SCARB1: variants seen among roughly 807,000 people sequenced by gnomAD.
SCARB1 encodes scavenger receptor class B member 1, also known as CD36 and LIMPII analogous 1.
A neutral mutation model predicts 57.2 loss-of-function variants in SCARB1; 30 were observed. The observed-to-expected ratio is 0.52, with a 90% CI of 0.39 to 0.71. The LOEUF is 0.71. Among genes scored for constraint, SCARB1 ranks in the 30% least tolerant of loss-of-function variants. SCARB1 has a pLI of 0.00. For missense variants in SCARB1, 543 were observed against 671.2 expected (o/e 0.81, Z 2.11); for synonymous variants, 249 against 268.3 (o/e 0.93, Z 0.70).
chr12:124,790,687 C>CG (rs2135557638), intron 9 of SCARB1, among the ~76,000 whole-genome samples: 1 of 152,370 alleles, frequency 6.6e-6, no homozygotes, highest in East Asian at 1.9e-4. Context: ...GGCTGGCTCA[C>CG]CACTTGCCCC....
chr12:124,816,727 C>T (rs1294436461), intron 2 of SCARB1, among the ~76,000 whole-genome samples: 3 of 152,018 alleles, frequency 2.0e-5, no homozygotes, highest in African/African-American at 7.3e-5. Flanking sequence ...GGAGTTGTAA[C>T]AGGCACATCC....
At chr12:124,779,691 C>T (rs1043979147) in intron 12 of SCARB1, among the ~76,000 whole-genome samples, 2 of 152,152 alleles carry the variant, frequency 1.3e-5, no homozygotes, top group Non-Finnish European at 2.9e-5. Flanking sequence ...GGTGAGCCTT[C>T]GTCCCACTAA....
intron 8 of SCARB1, among the ~76,000 whole-genome samples, chr12:124,797,780 G>A (rs758021524): frequency 1.3e-5 from 2 of 152,246 alleles, no homozygotes; most frequent in Non-Finnish European, 2.9e-5. Flanking sequence ...GGCCGGGGCC[G>A]AGAGGGCCTA....
At chr12:124,839,638 C>A in intron 1 of SCARB1, 1 of 985,420 alleles carries the variant, frequency 1.0e-6, no homozygotes, top group Non-Finnish European at 1.2e-6. Flanking sequence ...CTGCACCATC[C>A]TACATTCCCA....
At chr12:124,803,597 G>T (rs1594241353) in intron 7 of SCARB1, among the ~76,000 whole-genome samples, 1 of 138,312 alleles carries the variant, frequency 7.2e-6, no homozygotes, top group African/African-American at 2.7e-5. Context: ...CCCAAAAACT[G>T]CATGAGTCAT....
At chr12:124,826,873 A>C (rs1005423067) in intron 1 of SCARB1, among the ~76,000 whole-genome samples, 2 of 152,210 alleles carry the variant, frequency 1.3e-5, no homozygotes, top group Admixed American at 6.5e-5. Flanking sequence ...ATAATACTCT[A>C]TATTCTTTCT....
At chr12:124,858,828 G>A (rs772476306) in intron 1 of SCARB1, among the ~76,000 whole-genome samples, 1 of 151,414 alleles carries the variant, frequency 6.6e-6, no homozygotes, top group Non-Finnish European at 1.5e-5. Context: ...GCAGTGAGCC[G>A]AGATCGCACC....
chr12:124,857,080 A>G (rs1952666808), intron 1 of SCARB1, among the ~76,000 whole-genome samples: 1 of 151,992 alleles, frequency 6.6e-6, no homozygotes, highest in African/African-American at 2.4e-5. Flanking sequence ...GCCCGCCTTA[A>G]GCATGCAGTC....
chr12:124,847,052 T>C (rs1952189849), intron 1 of SCARB1, among the ~76,000 whole-genome samples: 1 of 152,220 alleles, frequency 6.6e-6, no homozygotes, highest in Non-Finnish European at 1.5e-5. Context: ...TGCAGGGGCT[T>C]CGGGGCAGAT....
intron 1 of SCARB1, among the ~76,000 whole-genome samples, chr12:124,821,786 C>G (rs893423820): frequency 6.6e-6 from 1 of 152,234 alleles, no homozygotes; most frequent in African/African-American, 2.4e-5. Context: ...GTGACCCTTC[C>G]TCCTCTGCCC....
intron 1 of SCARB1, among the ~76,000 whole-genome samples, chr12:124,845,301 G>T (rs1489971609): frequency 2.0e-5 from 3 of 152,178 alleles, no homozygotes; most frequent in Non-Finnish European, 2.9e-5. Context: ...AAAAAGGAAA[G>T]CAGCACTCCA....
intron 1 of SCARB1, among the ~76,000 whole-genome samples, chr12:124,845,037 C>A (rs1952084536): frequency 6.6e-6 from 1 of 151,808 alleles, no homozygotes; most frequent in Non-Finnish European, 1.5e-5. Flanking sequence ...TGCACAAGGT[C>A]CAAGGACACA....
intron 1 of SCARB1, 33 bp downstream of exon 1, chr12:124,863,562 G>C: frequency 1.3e-6 from 2 of 1,592,258 alleles, no homozygotes; most frequent in Non-Finnish European, 1.7e-6. Context: ...GCCCGGGTCC[G>C]TGCGCGGACC....
At chr12:124,783,407 GAAATT>G (rs759758357) in intron 11 of SCARB1, 1 of 152,184 alleles carries the variant, frequency 6.6e-6, no homozygotes, top group Non-Finnish European at 1.5e-5. Flanking sequence ...TCTCTAAAGA[GAAATT>G]AAAATATGTT....
In SCARB1 at chr12:124,800,601, T is replaced by G. The variant is rs1238295337; in HGVS notation, c.1010-359A>C. 2.0e-5 allele frequency among the ~76,000 whole-genome samples: 3 copies of G among 152,044 alleles called. No individual in the cohort carries two copies. The South Asian group carries it at 6.2e-4, about 32-fold the overall frequency. ...GGAAATGCATGGTGCACAAGGGTGC[T>G]AGGGAGGCACGGATGGAAAAGGCAA... On this transcript the variant is annotated intron_variant, in intron 7 of 12. Transcript: ENST00000261693. The surrounding 1 kb of genome is among the most constrained non-coding windows in gnomAD (Gnocchi z 4.8).
intron 1 of SCARB1, among the ~76,000 whole-genome samples, chr12:124,845,721 T>C (rs1952119253): frequency 7.4e-6 from 1 of 134,518 alleles, no homozygotes; most frequent in Non-Finnish European, 1.6e-5. Context: ...AAAAGAAATG[T>C]CCAGGGCCGG....
intron 1 of SCARB1, among the ~76,000 whole-genome samples, chr12:124,818,732 A>G (rs1221278232): frequency 1.4e-5 from 2 of 143,486 alleles, no homozygotes; most frequent in African/African-American, 5.1e-5. Flanking sequence ...CGAAACCTCC[A>G]TATTCCGGGT....
chr12:124,812,076 C>T lies in SCARB1; in HGVS notation c.631-111G>A, dbSNP rs755600850. The T allele has an allele frequency of 1.7e-4, 137 of 819,826 alleles. No homozygotes were observed. Among genetic ancestry groups the T allele is most frequent in the Admixed American group, 2.0e-4 (10 of 49,760 alleles). 50.8% of individuals were successfully genotyped at this position (819,826 alleles called of 1,614,324 possible). On this transcript the variant is annotated intron_variant, in intron 4 of 12. Coordinates refer to ENST00000261693, the MANE Select transcript of SCARB1 (RefSeq NM_005505.5). This position sits in a 1 kb window ranked among gnomAD's most constrained non-coding sequence, Gnocchi z 4.3. ...TCCCCCTCCACCAGAAGGACAGGGCCCCCAGCATCTGGTTCACTGCCAAAT... is the reference window on the plus strand; with the variant it reads ...TCCCCCTCCACCAGAAGGACAGGGCTCCCAGCATCTGGTTCACTGCCAAAT...
At chr12:124,808,340 A>G (rs1950397051) in intron 6 of SCARB1, among the ~76,000 whole-genome samples, 1 of 152,190 alleles carries the variant, frequency 6.6e-6, no homozygotes, top group Admixed American at 6.5e-5. Context: ...AGAACAGAAT[A>G]TATCATGCCC....
Sources: allele counts gnomAD v4.1 joint callset (sites outside exome capture counted in the v4.1 genomes callset), GRCh38; gene constraint gnomAD v4.1.1; non-coding constraint Gnocchi (gnomAD v3.1); transcripts MANE v1.5; gene names NCBI Gene and HGNC (gene_info 2026-07-23, HGNC 2026-07-21).